Variants in PLCB1 observed in about 807,000 individuals in gnomAD.
PLCB1 encodes the protein 1-phosphatidylinositol 4,5-bisphosphate phosphodiesterase beta-1.
In PLCB1, 46 loss-of-function variants were observed where a neutral mutation model predicts 161.8. The observed-to-expected ratio is 0.28, with a 90% CI of 0.22 to 0.36. The LOEUF is 0.36. PLCB1 is among the 10% of genes least tolerant of loss of function. The pLI is 1.00. For missense variants in PLCB1, 1,016 were observed against 1,472.5 expected (o/e 0.69, Z 5.07); for synonymous variants, 517 against 503.7 (o/e 1.03, Z -0.35).
intron 2 of PLCB1, among the ~76,000 whole-genome samples, chr20:8,295,756 C>T (rs1017304278): frequency 6.6e-6 from 1 of 152,036 alleles, no homozygotes; most frequent in African/African-American, 2.4e-5. Flanking sequence ...GTCACCCAGG[C>T]TGAAGTGCAG....
rs555814583 is a variant in PLCB1, at chr20:8,153,298, G to A, written c.177+2927G>A. Among the ~76,000 whole-genome samples the A allele has an allele frequency of 2.0e-5, 3 of 152,226 alleles. No individual in the cohort carries two copies. The South Asian group carries it at 6.2e-4, about 32-fold the overall frequency. The stretch of plus-strand genomic sequence containing the variant: ...TTCTTTTCACTGTATTGTTGGCTCT[G>A]TAAATCTTATTGAATAAAATGAGCA... On this transcript the variant is annotated intron_variant, in intron 2 of 31. Coordinates refer to ENST00000338037, the MANE Select transcript of PLCB1 (RefSeq NM_015192.4).
At position 8,132,884 on chromosome 20, in the gene PLCB1, G is replaced by C; in HGVS notation, c.99+134G>C. 1.5e-6 allele frequency: 1 copy of C among 654,184 alleles called. No homozygotes were observed. The highest frequency in any genetic ancestry group is 2.7e-6 in the Non-Finnish European group (1 of 363,816). 40.5% of individuals were successfully genotyped at this position (654,184 alleles called of 1,614,324 possible). On this transcript the variant is annotated intron_variant, in intron 1 of 31. Transcript: ENST00000338037. The surrounding 1 kb of genome is among the most constrained non-coding windows in gnomAD (Gnocchi z 5.2). ...GGCAGGGGCAGCCTCGGGCGCACAGGTTGGCATCTGCCAAAGCGGATGTCC... is the reference window on the plus strand; with the variant it reads ...GGCAGGGGCAGCCTCGGGCGCACAGCTTGGCATCTGCCAAAGCGGATGTCC...
chr20:8,818,834 G>T (rs1002013438), intron 31 of PLCB1, among the ~76,000 whole-genome samples: 1 of 151,868 alleles, frequency 6.6e-6, no homozygotes, highest in African/African-American at 2.4e-5. Context: ...CCAGCTACTT[G>T]GGAGGCTGAG....
At chr20:8,872,358 C>T (rs1034396223) in intron 31 of PLCB1, among the ~76,000 whole-genome samples, 3 of 152,162 alleles carry the variant, frequency 2.0e-5, no homozygotes, top group East Asian at 3.9e-4. Flanking sequence ...GTATTTTCAA[C>T]TTTGACCTAG....
At chr20:8,304,511 A>G (rs1984042262) in intron 2 of PLCB1, among the ~76,000 whole-genome samples, 1 of 151,640 alleles carries the variant, frequency 6.6e-6, no homozygotes, top group East Asian at 2.0e-4. Context: ...AACACAATGA[A>G]TCAAAAACCT....
chr20:8,436,532 ACT>A (rs1382160482), intron 3 of PLCB1, among the ~76,000 whole-genome samples: 25 of 151,492 alleles, frequency 1.7e-4, no homozygotes, highest in South Asian at 1.0e-3. Flanking sequence ...TTAACACCAA[ACT>A]CTCTTTTTTC....
chr20:8,236,277 T>A (rs1007504098), intron 2 of PLCB1, among the ~76,000 whole-genome samples: 2 of 152,090 alleles, frequency 1.3e-5, no homozygotes, highest in African/African-American at 2.4e-5. Flanking sequence ...ACACTTGTAA[T>A]CCCAGTAATT....
chr20:8,460,471 A>T (rs767352109), intron 3 of PLCB1, among the ~76,000 whole-genome samples: 16 of 152,242 alleles, frequency 1.1e-4, no homozygotes, highest in Non-Finnish European at 2.1e-4. Flanking sequence ...TCAAGCATTT[A>T]TCAAAACACA....
intron 3 of PLCB1, among the ~76,000 whole-genome samples, chr20:8,380,086 T>G (rs2095858663): frequency 6.6e-6 from 1 of 152,252 alleles, no homozygotes; most frequent in African/African-American, 2.4e-5. Context: ...CCAGGGATTT[T>G]TATGGTTTTG....
At chr20:8,556,656 GGT>G (rs58160557) in intron 3 of PLCB1, among the ~76,000 whole-genome samples, 6,808 of 141,728 alleles carry the variant, frequency 0.048, 158 homozygotes, top group Admixed American at 0.061. Flanking sequence ...GAGAGGGTTG[GGT>G]GTGTGTGTGT....
rs375078319 is a variant in PLCB1 at position 8,681,556 on chromosome 20, T to C, written c.863-3376T>C. ...ACCATTGTATTAGATTGCACAGTTA[T>C]TTTATTGCTATGATATGCATGTGTA... is the stretch of plus-strand genomic sequence containing the variant. On this transcript the variant is annotated intron_variant, in intron 9 of 31. Transcript: ENST00000338037. Among the ~76,000 whole-genome samples the C allele has an allele frequency of 6.6e-5, 10 of 152,346 alleles. No individual in the cohort carries two copies. In the East Asian group the frequency reaches 1.5e-3, roughly 24 times the overall value.
chr20:8,489,504 C>G (rs773987244), intron 3 of PLCB1, among the ~76,000 whole-genome samples: 1 of 152,188 alleles, frequency 6.6e-6, no homozygotes, highest in Admixed American at 6.5e-5. Flanking sequence ...TGGCTGCACA[C>G]CTTTTTTCCG....
At chr20:8,809,184 T>G (rs2146249522) in intron 31 of PLCB1, among the ~76,000 whole-genome samples, 1 of 152,092 alleles carries the variant, frequency 6.6e-6, no homozygotes, top group Middle Eastern at 3.4e-3. Context: ...TTATTTTTAG[T>G]TTTGTAGAGG....
At chr20:8,225,629 T>C (rs1979640451) in intron 2 of PLCB1, among the ~76,000 whole-genome samples, 2 of 152,262 alleles carry the variant, frequency 1.3e-5, no homozygotes, top group East Asian at 1.9e-4. Flanking sequence ...TTCTGCTATT[T>C]TTGCTCTCTT....
At chr20:8,790,495 T>C (rs1282492616) in intron 31 of PLCB1, among the ~76,000 whole-genome samples, 1 of 152,140 alleles carries the variant, frequency 6.6e-6, no homozygotes, top group Non-Finnish European at 1.5e-5. Flanking sequence ...CCCCAGAGAT[T>C]TGGCTTTAAC....
chr20:8,404,467 A>G (rs972526823), intron 3 of PLCB1, among the ~76,000 whole-genome samples: 2 of 152,244 alleles, frequency 1.3e-5, no homozygotes, highest in Non-Finnish European at 2.9e-5. Flanking sequence ...AACACCTAGT[A>G]GAGAGGATAA....
chr20:8,375,463 A>C (rs1301029224), intron 3 of PLCB1, among the ~76,000 whole-genome samples: 1 of 152,220 alleles, frequency 6.6e-6, no homozygotes, highest in Non-Finnish European at 1.5e-5. Context: ...ATAAGAGTGG[A>C]AAATAATCTT....
At chr20:8,405,463 A>G (rs539599077) in intron 3 of PLCB1, among the ~76,000 whole-genome samples, 5 of 152,318 alleles carry the variant, frequency 3.3e-5, no homozygotes, top group African/African-American at 1.2e-4. Flanking sequence ...CGCCCAAAGC[A>G]AGTCTCAAGG....
chr20:8,371,299 T>C, intron 2 of PLCB1, 83 bp from the exon 3 acceptor site: 2 of 859,054 alleles, frequency 2.3e-6, no homozygotes, highest in Non-Finnish European at 1.9e-6. Flanking sequence ...CTCAAGATAA[T>C]TTTTTTAAGT....
Sources: gnomAD v4.1 joint callset for allele counts (sites outside exome capture counted in the v4.1 genomes callset) on GRCh38, gnomAD v4.1.1 for gene constraint, Gnocchi (gnomAD v3.1) non-coding constraint, MANE v1.5 for transcripts, NCBI Gene and HGNC (gene_info 2026-07-23, HGNC 2026-07-21) for gene names.